Variants in B3GLCT observed in about 807,000 individuals in gnomAD.
The protein encoded by B3GLCT is beta-1,3-glucosyltransferase.
B3GLCT carries 65 observed loss-of-function variants against 63.4 expected under a neutral mutation model. That is an observed-to-expected ratio of 1.03 (90% confidence interval 0.84 to 1.26). The LOEUF (loss-of-function observed/expected upper bound fraction) is 1.26. B3GLCT is among the 50% of genes most tolerant of loss of function. The pLI, the probability that B3GLCT is intolerant of heterozygous loss-of-function variation, is 0.00. For missense variants in B3GLCT, 577 were observed against 604.8 expected (o/e 0.95, Z 0.48); for synonymous variants, 233 against 219.2 (o/e 1.06, Z -0.55).
chr13:31,202,047 G>A (rs761495350), intron 1 of B3GLCT, among the ~76,000 whole-genome samples: 2 of 152,178 alleles, frequency 1.3e-5, no homozygotes, highest in Admixed American at 6.5e-5. Context: ...GCACCGACAC[G>A]TATAAAGATG....
chr13:31,299,174 C>T (rs1874101960), intron 12 of B3GLCT, among the ~76,000 whole-genome samples: 1 of 152,204 alleles, frequency 6.6e-6, no homozygotes, highest in African/African-American at 2.4e-5. Flanking sequence ...TTTAGTCCCA[C>T]TCATGTTGAG....
At chr13:31,248,422 G>A (rs1429165239) in intron 6 of B3GLCT, among the ~76,000 whole-genome samples, 1 of 152,206 alleles carries the variant, frequency 6.6e-6, no homozygotes, top group Non-Finnish European at 1.5e-5. Context: ...GCACAGAATA[G>A]CAGGGAGAAC....
chr13:31,202,079 G>T (rs1868699190), intron 1 of B3GLCT, among the ~76,000 whole-genome samples: 1 of 152,160 alleles, frequency 6.6e-6, no homozygotes, highest in African/African-American at 2.4e-5. Flanking sequence ...GATGTTCTTG[G>T]AATCTTGCTG....
At chr13:31,260,351 A>C (rs1400631332) in intron 6 of B3GLCT, 2 of 152,436 alleles carry the variant, frequency 1.3e-5, no homozygotes, top group Non-Finnish European at 2.9e-5. Context: ...AGTTTGTTAC[A>C]TCATAATAGA....
chr13:31,282,122 A>G (rs1015110827), intron 10 of B3GLCT, among the ~76,000 whole-genome samples: 3 of 152,220 alleles, frequency 2.0e-5, no homozygotes, highest in Admixed American at 2.0e-4. Context: ...GTATCAGGTA[A>G]CTTATTAAAG....
At chr13:31,231,020 AT>A (rs895701354) in intron 4 of B3GLCT, among the ~76,000 whole-genome samples, 6 of 150,380 alleles carry the variant, frequency 4.0e-5, no homozygotes, top group African/African-American at 1.2e-4. Flanking sequence ...GAAAAAAAAA[AT>A]TTTTTTTTCT....
chr13:31,310,737 G>T (rs1037204503), intron 12 of B3GLCT, among the ~76,000 whole-genome samples: 1 of 152,226 alleles, frequency 6.6e-6, no homozygotes. Flanking sequence ...CTTCCTGGGG[G>T]CTCAGAGCTT....
In B3GLCT at chr13:31,223,127, G is replaced by A. The variant is rs76300369; in HGVS notation, c.160+136G>A. ...GTTCAAATATTCTGTCTTTGGCCCA[G>A]CCTAACGTTTGCTCTCCTGAAGATG... On this transcript the variant is annotated intron_variant, in intron 3 of 14. Transcript: ENST00000343307. The A allele has an allele frequency of 5.7e-5, 38 of 668,908 alleles. No homozygotes were observed. The East Asian group carries it at 9.7e-4, about 17-fold the overall frequency. The allele number at this position is 668,908 out of a possible 1,614,324, so 41.4% of individuals were successfully genotyped here.
intron 4 of B3GLCT, among the ~76,000 whole-genome samples, chr13:31,244,311 G>A (rs1871092912): frequency 6.6e-6 from 1 of 152,132 alleles, no homozygotes; most frequent in South Asian, 2.1e-4. Flanking sequence ...GGCCAACATG[G>A]TGAAACCCTG....
chr13:31,329,477 C>T (rs753474178), intron 14 of B3GLCT, 24 bp from the exon 15 acceptor site: 5 of 1,613,856 alleles, frequency 3.1e-6, no homozygotes, highest in Admixed American at 1.7e-5. Flanking sequence ...AACAAGGAAG[C>T]CTAACTCTCT....
At chr13:31,309,037 A>T (rs74043317) in intron 12 of B3GLCT, among the ~76,000 whole-genome samples, 1,649 of 152,258 alleles carry the variant, frequency 0.011, 28 homozygotes, top group African/African-American at 0.038. Context: ...CGGTGAACCA[A>T]TTCTCCATCT....
intron 6 of B3GLCT, among the ~76,000 whole-genome samples, chr13:31,249,061 T>C (rs1289609173): frequency 6.6e-6 from 1 of 152,106 alleles, no homozygotes; most frequent in East Asian, 1.9e-4. Context: ...CCACCCACCT[T>C]CGAATGCTCG....
At chr13:31,244,779 A>G (rs1871119080) in intron 4 of B3GLCT, among the ~76,000 whole-genome samples, 2 of 152,168 alleles carry the variant, frequency 1.3e-5, no homozygotes, top group Non-Finnish European at 2.9e-5. Flanking sequence ...GTATATGACA[A>G]GAATAAAAGC....
intron 3 of B3GLCT, among the ~76,000 whole-genome samples, chr13:31,227,308 T>C (rs563259498): frequency 1.3e-5 from 2 of 152,210 alleles, no homozygotes; most frequent in South Asian, 2.1e-4. Context: ...TCATTGGGAA[T>C]GTGCATCTTC....
At chr13:31,309,824 G>A (rs1874613175) in intron 12 of B3GLCT, among the ~76,000 whole-genome samples, 1 of 152,122 alleles carries the variant, frequency 6.6e-6, no homozygotes, top group Non-Finnish European at 1.5e-5. Flanking sequence ...TGAACAAGAA[G>A]CCCATGTTCT....
In B3GLCT at chr13:31,306,580, A is replaced by G. The variant is rs1874412326; in HGVS notation, c.1065-10986A>G. 3.7e-5 allele frequency among the ~76,000 whole-genome samples: 4 copies of G among 106,916 alleles called. No individual in the cohort carries two copies. The South Asian group carries it at 1.0e-3, about 27-fold the overall frequency. 70.1% of individuals were successfully genotyped at this position (106,916 alleles called of 152,430 possible). On this transcript the variant is annotated intron_variant, in intron 12 of 14. Transcript: ENST00000343307. ...AATCATGAGTGAACTCCCATTCACA[A>G]TTACTTCAAAGAGAATAAAATACCT...
chr13:31,260,952 T>C lies in B3GLCT; in HGVS notation c.466T>C (p.Phe156Leu). Reference protein sequence around the residue: ...LRRYDPSKEWFLGKALHDEEA... With the variant: ...LRRYDPSKEWLLGKALHDEEA... ...TTATATCTTTATTTAACAGGAATGGTTTTTGGGAAAAGCATTACATGATGA... is the reference window on the plus strand; with the variant it reads ...TTATATCTTTATTTAACAGGAATGGCTTTTGGGAAAAGCATTACATGATGA... The change falls in exon 7 of 15, where the codon TTT becomes CTT. Residue 156 changes from phenylalanine (F) to leucine (L), a missense_variant. Coordinates refer to ENST00000343307, the MANE Select transcript of B3GLCT (RefSeq NM_194318.4). The C allele has an allele frequency of 6.2e-7, 1 of 1,612,718 alleles. No homozygotes were observed.
Position 31,200,014 on chromosome 13 carries a change from C to T in B3GLCT, c.-71C>T, listed in dbSNP as rs1305047109. 2.1e-6 allele frequency: 2 copies of T among 968,244 alleles called. No homozygotes were observed. The highest frequency in any genetic ancestry group is 4.7e-5 in the Admixed American group (1 of 21,108). The allele number at this position is 968,244 out of a possible 1,614,324, so 60.0% of individuals were successfully genotyped here. On this transcript the variant is annotated 5_prime_UTR_variant, in exon 1 of 15. Transcript: ENST00000343307. ...CGCGGCGGCAGGGCGGCGGCGGCAG[C>T]GGCGCAGCTCCGCTCCCCGCGCGTC...
intron 1 of B3GLCT, among the ~76,000 whole-genome samples, chr13:31,201,029 G>C (rs931002562): frequency 2.1e-5 from 3 of 144,856 alleles, no homozygotes; most frequent in Non-Finnish European, 4.5e-5. Flanking sequence ...AAAAAAAGCA[G>C]CCTTGTAATT....
Sources: allele counts gnomAD v4.1 joint callset (sites outside exome capture counted in the v4.1 genomes callset), GRCh38; gene constraint gnomAD v4.1.1; transcripts MANE v1.5; gene names NCBI Gene and HGNC (gene_info 2026-07-23, HGNC 2026-07-21).